The following STK32A variants were observed in gnomAD, a reference collection of about 807,000 sequenced individuals.
The protein encoded by STK32A is serine/threonine kinase 32A.
A neutral mutation model predicts 53.2 loss-of-function variants in STK32A; 41 were observed. That is an observed-to-expected ratio of 0.77 (90% CI 0.60 to 1.00). STK32A has a LOEUF of 1.00. Ranked by LOEUF, STK32A falls within the 50% of genes least tolerant of loss-of-function variation. The probability of loss-of-function intolerance (pLI) is 0.00; values close to 1 mark genes in which losing one functional copy is unlikely to be tolerated. For synonymous variants in STK32A, 166 were observed against 162.8 expected (o/e 1.02, Z -0.15); for missense variants, 458 against 485.8 (o/e 0.94, Z 0.54).
At chr5:147,240,922 A>G (rs1753544763) in intron 2 of STK32A, among the ~76,000 whole-genome samples, 1 of 152,162 alleles carries the variant, frequency 6.6e-6, no homozygotes, top group Non-Finnish European at 1.5e-5. Context: ...GAAAGGTGGA[A>G]AGTAGGAGAG....
chr5:147,303,367 T>C (rs761323295), intron 4 of STK32A, among the ~76,000 whole-genome samples: 6 of 152,138 alleles, frequency 3.9e-5, no homozygotes, highest in Non-Finnish European at 5.9e-5. Flanking sequence ...TAGCCTAACC[T>C]TTTTCTTCTG....
rs142228946 is a variant in STK32A at position 147,297,183 on chromosome 5, GA to G, written c.260+17788del. The stretch of plus-strand genomic sequence containing the variant: ...GATCCAGAACCAAAGACAGCTCAAA[GA>G]AACAAATGTCTTGCTCACTGCAAAT... On this transcript the variant is annotated intron_variant, in intron 4 of 12. Coordinates refer to ENST00000397936, the MANE Select transcript of STK32A (RefSeq NM_001112724.2). 8.8e-3 allele frequency among the ~76,000 whole-genome samples: 1,346 copies of G among 152,224 alleles called. 8 individuals are homozygous for G. The highest frequency in any genetic ancestry group is 0.015 in the Non-Finnish European group (1,003 of 67,996).
At chr5:147,311,372 T>A (rs909414997) in intron 4 of STK32A, among the ~76,000 whole-genome samples, 3 of 152,194 alleles carry the variant, frequency 2.0e-5, no homozygotes, top group African/African-American at 7.2e-5. Flanking sequence ...ATACAAAAAA[T>A]ATTTGTAAAA....
Position 147,375,215 on chromosome 5 carries a change from T to C in STK32A, c.1029T>C (p.Ser343=). Residue 343 remains serine, a synonymous_variant, in exon 11 of 13, where the codon TCT becomes TCC. Transcript: ENST00000397936. ...KEKDMRKCDS[S]QTCLLQEHLD... ...AGGATATGAGGAAATGCGATTCTTC[T>C]CAGGTAAGCAGGTCCCCACCAAACT... 6.2e-7 allele frequency: 1 copy of C among 1,610,658 alleles called. No homozygotes were observed. The highest frequency in any genetic ancestry group is 8.5e-7 in the Non-Finnish European group (1 of 1,178,456).
Position 147,334,386 on chromosome 5 carries a change from G to A in STK32A, c.435-8620G>A, listed in dbSNP as rs527378467. On this transcript the variant is annotated intron_variant, in intron 5 of 12. Coordinates refer to ENST00000397936, the MANE Select transcript of STK32A (RefSeq NM_001112724.2). Reference sequence around the variant, plus strand: ...TCAGTCACCACCCATTAGTACTGTTGTACTAGTAATTTATGGATGGCGTCC... The same window carrying A: ...TCAGTCACCACCCATTAGTACTGTTATACTAGTAATTTATGGATGGCGTCC... 4.5e-4 allele frequency among the ~76,000 whole-genome samples: 69 copies of A among 152,286 alleles called. 2 individuals are homozygous for A. Among genetic ancestry groups the A allele is most frequent in the Admixed American group, 9.8e-4 (15 of 15,302 alleles).
intron 5 of STK32A, among the ~76,000 whole-genome samples, chr5:147,333,441 G>A (rs1326997459): frequency 1.3e-5 from 2 of 152,144 alleles, no homozygotes; most frequent in East Asian, 3.9e-4. Context: ...TGCTGACAGA[G>A]AGGCTATTTG....
intron 4 of STK32A, among the ~76,000 whole-genome samples, chr5:147,290,579 C>T (rs1752553198): frequency 6.6e-6 from 1 of 152,154 alleles, no homozygotes; most frequent in Non-Finnish European, 1.5e-5. Flanking sequence ...TAGCTGCACA[C>T]AACTCCTCAG....
intron 8 of STK32A, among the ~76,000 whole-genome samples, chr5:147,367,045 G>T (rs1175297204): frequency 6.6e-6 from 1 of 151,674 alleles, no homozygotes; most frequent in Non-Finnish European, 1.5e-5. Context: ...TCTTATATAG[G>T]TTAGTATTAT....
intron 2 of STK32A, among the ~76,000 whole-genome samples, chr5:147,263,182 G>A (rs994227203): frequency 6.6e-6 from 1 of 152,140 alleles, no homozygotes; most frequent in African/African-American, 2.4e-5. Flanking sequence ...GGCAGCCAAG[G>A]ACTCACCCTC....
At chr5:147,372,831 T>A (rs1026492831) in intron 9 of STK32A, among the ~76,000 whole-genome samples, 6 of 152,160 alleles carry the variant, frequency 3.9e-5, no homozygotes, top group African/African-American at 1.4e-4. Flanking sequence ...CCACTAATCC[T>A]GATTACAATC....
chr5:147,400,851 C>T, the STK32A span: 16 of 1,611,664 alleles, frequency 9.9e-6, no homozygotes, highest in Non-Finnish European at 1.4e-5. Flanking sequence ...AGGAGAAAAG[C>T]TCCACATGAA....
chr5:147,256,475 G>A (rs1466735707), intron 2 of STK32A, among the ~76,000 whole-genome samples: 1 of 152,144 alleles, frequency 6.6e-6, no homozygotes, highest in East Asian at 1.9e-4. Flanking sequence ...TCCTGTCTTA[G>A]TTGCCAAAGT....
At chr5:147,313,247 A>G (rs1034476085) in intron 4 of STK32A, among the ~76,000 whole-genome samples, 8 of 152,130 alleles carry the variant, frequency 5.3e-5, no homozygotes, top group African/African-American at 1.7e-4. Flanking sequence ...AAAACAAAAC[A>G]AAATAACAAC....
chr5:147,235,318 A>T (rs1348848646), intron 1 of STK32A, 119 bp downstream of exon 1: 2 of 152,368 alleles, frequency 1.3e-5, no homozygotes, highest in Non-Finnish European at 2.9e-5. Flanking sequence ...AAGATAACTC[A>T]CAAAACTAAA....
intron 4 of STK32A, among the ~76,000 whole-genome samples, chr5:147,309,743 T>G (rs1385821490): frequency 6.6e-6 from 1 of 152,196 alleles, no homozygotes; most frequent in Non-Finnish European, 1.5e-5. Context: ...ATATATTACA[T>G]GTATAATTTC....
chr5:147,262,873 A>T (rs1754644495), intron 2 of STK32A, among the ~76,000 whole-genome samples: 2 of 152,134 alleles, frequency 1.3e-5, no homozygotes, highest in African/African-American at 2.4e-5. Context: ...CCCTCCAAAG[A>T]CTCGGGAATT....
chr5:147,349,532 G>A (rs1755855334), intron 6 of STK32A, among the ~76,000 whole-genome samples: 2 of 152,236 alleles, frequency 1.3e-5, no homozygotes, highest in South Asian at 2.1e-4. Flanking sequence ...TTTTGGCACG[G>A]CCCTTTTGTT....
chr5:147,320,001 C>G (rs1348450874), intron 4 of STK32A, among the ~76,000 whole-genome samples: 1 of 151,910 alleles, frequency 6.6e-6, no homozygotes, highest in Non-Finnish European at 1.5e-5. Context: ...TCATCATAAC[C>G]CAGTAGATAT....
At chr5:147,341,243 A>G (rs1755390001) in intron 5 of STK32A, among the ~76,000 whole-genome samples, 1 of 152,134 alleles carries the variant, frequency 6.6e-6, no homozygotes, top group South Asian at 2.1e-4. Context: ...GCAGATCTGA[A>G]AGAGGTGGAA....
Sources: gnomAD v4.1 joint callset for allele counts (sites outside exome capture counted in the v4.1 genomes callset) on GRCh38, gnomAD v4.1.1 for gene constraint, MANE v1.5 for transcripts, NCBI Gene and HGNC (gene_info 2026-07-23, HGNC 2026-07-21) for gene names.